CSMD2: variants seen among roughly 807,000 people sequenced by gnomAD.
CSMD2 encodes the protein CUB and sushi domain-containing protein 2.
In CSMD2, 130 loss-of-function variants were observed where a neutral mutation model predicts 398.5. The ratio of observed to expected loss-of-function variants is 0.33; its 90% CI spans 0.28 to 0.38. The LOEUF is 0.38. CSMD2 is among the 10% of genes least tolerant of loss of function. The pLI is 1.00. For synonymous variants in CSMD2, 1,828 were observed against 1,908.5 expected, an observed-to-expected ratio of 0.96 and a Z score of 1.10; for missense variants, 3,829 against 4,764.9, an observed-to-expected ratio of 0.80 and a Z score of 5.78.
chr1:34,053,926 G>A (rs779460686), intron 2 of CSMD2, among the ~76,000 whole-genome samples: 34 of 152,054 alleles, frequency 2.2e-4, no homozygotes, highest in African/African-American at 8.0e-4. Context: ...AGCAGCCTGC[G>A]GCAGAGCTAA....
chr1:33,826,076 A>G (rs973948530), intron 6 of CSMD2, among the ~76,000 whole-genome samples: 4 of 152,174 alleles, frequency 2.6e-5, no homozygotes, highest in African/African-American at 9.7e-5. Flanking sequence ...AGATTTCACC[A>G]GACCTACTGA....
intron 13 of CSMD2, among the ~76,000 whole-genome samples, chr1:33,745,967 T>A (rs1647322301): frequency 6.6e-6 from 1 of 151,938 alleles, no homozygotes. Context: ...CACACAGAGG[T>A]TAAGTAATGC....
chr1:33,937,265 A>G (rs542929179), intron 3 of CSMD2, among the ~76,000 whole-genome samples: 7 of 152,306 alleles, frequency 4.6e-5, no homozygotes, highest in African/African-American at 1.4e-4. Flanking sequence ...AGGAACAGGT[A>G]GGGAACCAAA....
chr1:33,577,717 T>G (rs1638389005), intron 48 of CSMD2, among the ~76,000 whole-genome samples: 1 of 152,128 alleles, frequency 6.6e-6, no homozygotes. Flanking sequence ...AAAACCAGCT[T>G]CATGAAGCAC....
chr1:33,972,924 CT>C (rs35745309), intron 3 of CSMD2, among the ~76,000 whole-genome samples: 79,142 of 151,970 alleles, frequency 0.52, 21,446 homozygotes, highest in African/African-American at 0.67. Flanking sequence ...CAGGATGAGC[CT>C]TCACAGCTAA....
In CSMD2 at chr1:33,640,969, C is replaced by A. The variant is rs137966580; in HGVS notation, c.4775-4415G>T. On this transcript the variant is annotated intron_variant, in intron 29 of 70. Coordinates refer to ENST00000373381, the MANE Select transcript of CSMD2 (RefSeq NM_001281956.2). ...CTTTTTAGGACCTTCCATTAAAAAT[C>A]GATTCACTTTGGTCTTTCCTGTGTT... Among the ~76,000 whole-genome samples the A allele has an allele frequency of 3.8e-4, 58 of 152,230 alleles. 1 individual carries two copies. In the East Asian group the frequency reaches 0.011, roughly 28 times the overall value.
At chr1:33,683,920 A>G (rs1054142204) in intron 25 of CSMD2, among the ~76,000 whole-genome samples, 27 of 152,356 alleles carry the variant, frequency 1.8e-4, no homozygotes, top group African/African-American at 6.3e-4. Context: ...TTTAAGGTTT[A>G]ACTTGCTATA....
At chr1:34,094,149 A>C (rs1658985144) in intron 1 of CSMD2, among the ~76,000 whole-genome samples, 1 of 152,044 alleles carries the variant, frequency 6.6e-6, no homozygotes, top group Admixed American at 6.5e-5. Context: ...TTTCATATCC[A>C]GCCAAACTAA....
intron 41 of CSMD2, chr1:33,605,807 G>A: frequency 2.2e-6 from 3 of 1,390,374 alleles, no homozygotes; most frequent in Non-Finnish European, 3.0e-6. Context: ...TTCACTGAGT[G>A]CCACTGGGGG....
chr1:34,094,970 C>T (rs1235699338), intron 1 of CSMD2, among the ~76,000 whole-genome samples: 1 of 142,002 alleles, frequency 7.0e-6, no homozygotes, highest in African/African-American at 2.7e-5. Flanking sequence ...TTTTCAGCAC[C>T]ACACCACACC....
chr1:33,602,330 C>T, intron 43 of CSMD2, 39 bp downstream of exon 43: 1 of 1,607,694 alleles, frequency 6.2e-7, no homozygotes, highest in Non-Finnish European at 8.5e-7. Context: ...CCCAGTAATG[C>T]TCCTTTCTAA....
At chr1:33,679,660 C>T (rs1464597737) in intron 25 of CSMD2, among the ~76,000 whole-genome samples, 1 of 152,172 alleles carries the variant, frequency 6.6e-6, no homozygotes. Context: ...ATTAAATAAT[C>T]ATCAAATGGT....
chr1:34,094,122 G>T (rs1203983846), intron 1 of CSMD2, among the ~76,000 whole-genome samples: 1 of 152,094 alleles, frequency 6.6e-6, no homozygotes, highest in African/African-American at 2.4e-5. Flanking sequence ...TTAAAGGAAA[G>T]AATTTTCAAC....
At chr1:33,873,415 T>G (rs1159789302) in intron 5 of CSMD2, 1 of 152,222 alleles carries the variant, frequency 6.6e-6, no homozygotes, top group Non-Finnish European at 1.5e-5. Context: ...CTGGACCTAG[T>G]GATTTGCTTC....
Position 33,516,536 on chromosome 1 carries a change from T to A in CSMD2, c.*88A>T. The A allele has an allele frequency of 6.6e-6, 1 of 152,404 alleles. No homozygotes were observed. 9.4% of individuals were successfully genotyped at this position (152,404 alleles called of 1,614,324 possible). A position where few individuals can be genotyped will look rare whatever the true frequency, so the allele number is the denominator to read the frequency against. ...GAACGAAGATGGGCACTGGGCACTG[T>A]GCTCAGGGGAGCCTACTTCCTGCCC... On this transcript the variant is annotated 3_prime_UTR_variant, in exon 71 of 71. Coordinates refer to ENST00000373381, the MANE Select transcript of CSMD2 (RefSeq NM_001281956.2).
At chr1:33,848,070 G>A (rs1233717362) in intron 5 of CSMD2, among the ~76,000 whole-genome samples, 2 of 152,128 alleles carry the variant, frequency 1.3e-5, no homozygotes, top group Non-Finnish European at 2.9e-5. Flanking sequence ...CTTTTGCATA[G>A]GTCCTTATAC....
Position 33,605,893 on chromosome 1 carries a change from A to AG in CSMD2, c.6344-424dup, listed in dbSNP as rs768042251. ...CAACCAGGATCAAGATCCCAGACAT[A>AG]GGAAGCGGCGACGGGAGGAGTTGAG... is the stretch of plus-strand genomic sequence containing the variant. On this transcript the variant is annotated intron_variant, in intron 41 of 70. Coordinates refer to ENST00000373381, the MANE Select transcript of CSMD2 (RefSeq NM_001281956.2). The AG allele has an allele frequency of 2.5e-6, 4 of 1,613,898 alleles. No homozygotes were observed. In the South Asian group the frequency reaches 4.4e-5, roughly 18 times the overall value.
intron 23 of CSMD2, 142 bp downstream of exon 23, chr1:33,700,375 A>C: frequency 2.5e-6 from 2 of 805,262 alleles, no homozygotes; most frequent in Non-Finnish European, 4.0e-6. Context: ...TTACCCATGC[A>C]TCCACTGATG....
chr1:33,662,785 C>G, intron 26 of CSMD2, 105 bp downstream of exon 26: 1 of 1,039,082 alleles, frequency 9.6e-7, no homozygotes, highest in Non-Finnish European at 1.5e-6. Context: ...TGTTCAATAA[C>G]TATCTTTACA....
Sources: gnomAD v4.1 joint callset for allele counts (sites outside exome capture counted in the v4.1 genomes callset) on GRCh38, gnomAD v4.1.1 for gene constraint, MANE v1.5 for transcripts, NCBI Gene and HGNC (gene_info 2026-07-23, HGNC 2026-07-21) for gene names.